Variants in ZNF577 observed in about 807,000 individuals in gnomAD.
The protein encoded by ZNF577 is zinc finger protein 577.
Under a neutral mutation model 13.9 loss-of-function variants are expected in ZNF577, and 14 were observed. The observed-to-expected ratio is 1.00, with a 90% CI of 0.66 to 1.57. ZNF577 has a LOEUF of 1.57. Ranked by LOEUF, ZNF577 falls within the 40% of genes most tolerant of loss-of-function variation. ZNF577 has a pLI of 0.00. For synonymous variants in ZNF577, 203 were observed against 202.9 expected (o/e 1.00, Z 0.00); for missense variants, 555 against 579.2 (o/e 0.96, Z 0.43).
intron 9 of ZNF577, among the ~76,000 whole-genome samples, chr19:51,831,931 T>C (rs1285934698): frequency 5.9e-5 from 9 of 152,226 alleles, no homozygotes; most frequent in Admixed American, 5.9e-4. Flanking sequence ...TTCATGTAAT[T>C]CTAATCTCAG....
chr19:51,857,408 AAGAAAGAAAGAAAGAAAG>A (rs1312931943), intron 5 of ZNF577, among the ~76,000 whole-genome samples: 8 of 124,960 alleles, frequency 6.4e-5, no homozygotes, highest in African/African-American at 2.9e-4. Flanking sequence ...GAAAGAAAGA[AAGAAAGAAAGAAAGAAAG>A]AAAAGAAAAA....
intron 5 of ZNF577, among the ~76,000 whole-genome samples, 164 bp downstream of exon 5, chr19:51,877,118 G>A (rs1443721203): frequency 1.3e-5 from 2 of 152,096 alleles, no homozygotes; most frequent in East Asian, 1.9e-4. Context: ...TTTGAGAGCC[G>A]GCTCTATTAG....
At chr19:51,854,809 G>A (rs146432034) in intron 5 of ZNF577, among the ~76,000 whole-genome samples, 1 of 152,186 alleles carries the variant, frequency 6.6e-6, no homozygotes, top group East Asian at 1.9e-4. Context: ...GTTTCTAAGA[G>A]TCTGTTCACT....
At chr19:51,826,735 G>A (rs1348146596) in intron 9 of ZNF577, among the ~76,000 whole-genome samples, 1 of 152,184 alleles carries the variant, frequency 6.6e-6, no homozygotes, top group Non-Finnish European at 1.5e-5. Context: ...TCAAGGCTGA[G>A]AGATTATGGT....
At chr19:51,830,135 TAAAAAAAA>T (rs11299540) in intron 9 of ZNF577, among the ~76,000 whole-genome samples, 16 of 145,824 alleles carry the variant, frequency 1.1e-4, no homozygotes, top group Admixed American at 1.0e-3. Context: ...TTCTAGTGTT[TAAAAAAAA>T]AAAAAAAAAC....
At position 51,856,259 on chromosome 19, in the gene ZNF577, C is replaced by G. The variant is rs552050802; in HGVS notation, c.284-11328G>C. On this transcript the variant is annotated intron_variant and NMD_transcript_variant, in intron 5 of 10. Transcript: ENST00000638827. ...AACTTTACAAGTAAATACCCTAAGT[C>G]TTCTAATGATTAAATGGTTTACCAT... Among the ~76,000 whole-genome samples the G allele has an allele frequency of 2.6e-5, 4 of 152,302 alleles. No individual in the cohort carries two copies. The South Asian group carries it at 8.3e-4, about 32-fold the overall frequency.
intron 5 of ZNF577, among the ~76,000 whole-genome samples, chr19:51,847,873 G>A (rs754407621): frequency 3.3e-5 from 5 of 152,158 alleles, no homozygotes; most frequent in Non-Finnish European, 7.3e-5. Context: ...TCTGCTCACT[G>A]GGCTGGATGG....
intron 5 of ZNF577, among the ~76,000 whole-genome samples, chr19:51,857,167 C>T (rs924100117): frequency 2.6e-5 from 4 of 152,044 alleles, no homozygotes; most frequent in East Asian, 1.9e-4. Context: ...GGTGTGATGG[C>T]GCACGCCTGT....
chr19:51,874,950 G>A (rs1056731217), intron 5 of ZNF577, among the ~76,000 whole-genome samples: 1 of 152,144 alleles, frequency 6.6e-6, no homozygotes, highest in Non-Finnish European at 1.5e-5. Context: ...ACCTATGTAG[G>A]TGCTGGTGCC....
intron 9 of ZNF577, among the ~76,000 whole-genome samples, chr19:51,829,176 C>A (rs975873807): frequency 6.6e-6 from 1 of 152,150 alleles, no homozygotes; most frequent in African/African-American, 2.4e-5. Flanking sequence ...AAAATGCACT[C>A]TGAGACTGAT....
intron 5 of ZNF577, among the ~76,000 whole-genome samples, chr19:51,852,967 C>T (rs867518009): frequency 6.6e-6 from 1 of 150,804 alleles, no homozygotes; most frequent in East Asian, 1.9e-4. Context: ...GTTTCACTCC[C>T]ATTGCCCAGG....
intron 8 of ZNF577, among the ~76,000 whole-genome samples, chr19:51,841,682 G>A (rs1046364639): frequency 3.3e-5 from 5 of 152,128 alleles, no homozygotes; most frequent in Non-Finnish European, 5.9e-5. Context: ...ACTTTGGGGG[G>A]CCAAGGCGGG....
intron 5 of ZNF577, among the ~76,000 whole-genome samples, chr19:51,873,917 T>G (rs899605269): frequency 2.0e-5 from 3 of 152,248 alleles, no homozygotes; most frequent in African/African-American, 4.8e-5. Context: ...AATATGAACA[T>G]CCATGATAAT....
chr19:51,867,690 C>G lies in ZNF577; in HGVS notation c.*4842G>C, dbSNP rs2084587281. ...ATCCCAGCTACTCAGGAAGCTGAGG[C>G]AGGACAATCACTTGAAACCGGAAGG... is the stretch of plus-strand genomic sequence containing the variant. On this transcript the variant is annotated 3_prime_UTR_variant, in exon 6 of 6. Coordinates refer to ENST00000638348, the MANE Select transcript of ZNF577 (RefSeq NM_001370449.1). Among the ~76,000 whole-genome samples the G allele has an allele frequency of 1.3e-5, 2 of 151,874 alleles. No individual in the cohort carries two copies. Among genetic ancestry groups the G allele is most frequent in the Non-Finnish European group, 2.9e-5 (2 of 68,008 alleles).
rs187294414 is a variant in ZNF577, at chr19:51,818,739, A to G, written c.*600-7065T>C. 5.3e-5 allele frequency among the ~76,000 whole-genome samples: 8 copies of G among 152,344 alleles called. No individual in the cohort carries two copies. The East Asian group carries it at 1.5e-3, about 29-fold the overall frequency. On this transcript the variant is annotated intron_variant and NMD_transcript_variant, in intron 9 of 10. Transcript: ENST00000638827. ...TGGTCAGGGAATCAAGGAGTCCACCATGGGTCCAGCACAGTGTGTCAGGTG... is the reference window on the plus strand; with the variant it reads ...TGGTCAGGGAATCAAGGAGTCCACCGTGGGTCCAGCACAGTGTGTCAGGTG...
chr19:51,887,260 T>C lies in ZNF577; in HGVS notation c.-658A>G. The stretch of plus-strand genomic sequence containing the variant: ...TACCCAAATTAAAGCAACCACTTGA[T>C]GAAACTGCAGCAATTTAAAAAACTC... On this transcript the variant is annotated 5_prime_UTR_variant, in exon 1 of 6. Transcript: ENST00000638348. 6.6e-6 allele frequency: 1 copy of C among 152,204 alleles called. No individual in the cohort carries two copies. The highest frequency in any genetic ancestry group is 1.9e-4 in the East Asian group (1 of 5,192). 9.4% of individuals were successfully genotyped at this position (152,204 alleles called of 1,614,324 possible).
intron 5 of ZNF577, among the ~76,000 whole-genome samples, chr19:51,854,991 T>C (rs1413838030): frequency 6.6e-6 from 1 of 152,200 alleles, no homozygotes; most frequent in Non-Finnish European, 1.5e-5. Context: ...TTTACTTCAG[T>C]TCCTTGAACA....
At chr19:51,836,450 T>C (rs2084287722) in intron 9 of ZNF577, among the ~76,000 whole-genome samples, 1 of 152,234 alleles carries the variant, frequency 6.6e-6, no homozygotes, top group South Asian at 2.1e-4. Flanking sequence ...TTTGCATTTC[T>C]CTGACGATTT....
At chr19:51,835,834 A>T (rs1249800456) in intron 9 of ZNF577, among the ~76,000 whole-genome samples, 1 of 152,152 alleles carries the variant, frequency 6.6e-6, no homozygotes, top group Non-Finnish European at 1.5e-5. Flanking sequence ...CTCGAATCAC[A>T]GATGCCTGCC....
Sources: gnomAD v4.1 joint callset for allele counts (sites outside exome capture counted in the v4.1 genomes callset) on GRCh38, gnomAD v4.1.1 for gene constraint, MANE v1.5 for transcripts, NCBI Gene and HGNC (gene_info 2026-07-23, HGNC 2026-07-21) for gene names.